Variants in IDE observed in about 807,000 individuals in gnomAD.
The protein encoded by IDE is insulin degrading enzyme, also known as insulin-degrading enzyme.
In IDE, 58 loss-of-function variants were observed where a neutral mutation model predicts 133.2. The observed-to-expected ratio is 0.44, with a 90% CI of 0.35 to 0.54. The LOEUF is 0.54. Among genes scored for constraint, IDE ranks in the 20% least tolerant of loss-of-function variants. The pLI is 0.00. For synonymous variants in IDE, 396 were observed against 421.3 expected (o/e 0.94, Z 0.73); for missense variants, 981 against 1,234.0 (o/e 0.79, Z 3.07).
At position 92,566,192 on chromosome 10, in the gene IDE, C is replaced by CA. The variant is rs5787005; in HGVS notation, c.98+7729dup. On this transcript the variant is annotated intron_variant, in intron 1 of 24. Transcript: ENST00000265986. Reference sequence around the variant, plus strand: ...GCAACATGACGAAATCCTGTCTCTACAAAAAAAAAAAAAAACTCCAAAAAA... The same window carrying CA: ...GCAACATGACGAAATCCTGTCTCTACAAAAAAAAAAAAAAAACTCCAAAAAA... Among the ~76,000 whole-genome samples the CA allele has an allele frequency of 4.6e-3, 580 of 126,886 alleles. 2 individuals carry two copies. The highest frequency in any genetic ancestry group is 5.4e-3 in the Non-Finnish European group (311 of 57,708). 83.2% of individuals were successfully genotyped at this position (126,886 alleles called of 152,430 possible).
chr10:92,541,296 A>C (rs1486159728), intron 1 of IDE: 1 of 470,548 alleles, frequency 2.1e-6, no homozygotes, highest in South Asian at 1.6e-5. Flanking sequence ...TTTGATTCTC[A>C]CCTTCTGGAG....
At chr10:92,509,485 C>T (rs1400377280) in intron 6 of IDE, among the ~76,000 whole-genome samples, 1 of 151,960 alleles carries the variant, frequency 6.6e-6, no homozygotes, top group Non-Finnish European at 1.5e-5. Flanking sequence ...TCCAGCTACT[C>T]AGGAGGCTGA....
intron 11 of IDE, among the ~76,000 whole-genome samples, chr10:92,503,215 GGCCAGGAGTTT>G (rs1299768749): frequency 6.6e-6 from 1 of 152,072 alleles, no homozygotes; most frequent in Non-Finnish European, 1.5e-5. Context: ...GACTGCTTGA[GGCCAGGAGTTT>G]GAGATCCACC....
chr10:92,471,573 C>T (rs1845967103), intron 17 of IDE, among the ~76,000 whole-genome samples: 1 of 152,104 alleles, frequency 6.6e-6, no homozygotes, highest in African/African-American at 2.4e-5. Flanking sequence ...TCACTAGGCT[C>T]CCTCGGCACT....
chr10:92,472,462 AT>A (rs769961268), intron 17 of IDE, among the ~76,000 whole-genome samples: 4 of 152,216 alleles, frequency 2.6e-5, no homozygotes, highest in Admixed American at 6.5e-5. Flanking sequence ...TGATAAAAAA[AT>A]GTACCTGTTC....
At chr10:92,467,189 C>T (rs1845739980) in intron 19 of IDE, among the ~76,000 whole-genome samples, 1 of 152,106 alleles carries the variant, frequency 6.6e-6, no homozygotes, top group African/African-American at 2.4e-5. Context: ...ATCATCCCAC[C>T]TCAGCCTCCT....
At chr10:92,480,659 C>T (rs1846548265) in intron 14 of IDE, 2 of 152,226 alleles carry the variant, frequency 1.3e-5, no homozygotes, top group African/African-American at 4.8e-5. Flanking sequence ...CTGCTAAAGG[C>T]CTGAGGCAGG....
intron 1 of IDE, among the ~76,000 whole-genome samples, chr10:92,543,954 C>T (rs1375205275): frequency 1.3e-5 from 2 of 152,078 alleles, no homozygotes; most frequent in South Asian, 2.1e-4. Context: ...AGATATAGGC[C>T]GGGTGCCGTG....
chr10:92,573,611 G>A (rs1006135871), intron 1 of IDE, among the ~76,000 whole-genome samples: 7 of 152,234 alleles, frequency 4.6e-5, no homozygotes, highest in South Asian at 2.1e-4. Flanking sequence ...TGCAGGCCGG[G>A]TGACTCTGTC....
At chr10:92,461,417 C>T (rs943948514) in intron 21 of IDE, among the ~76,000 whole-genome samples, 165 bp from the exon 22 acceptor site, 3 of 151,938 alleles carry the variant, frequency 2.0e-5, no homozygotes, top group Non-Finnish European at 2.9e-5. Context: ...TGCAGTGGCT[C>T]GATCTCGGCT....
intron 19 of IDE, among the ~76,000 whole-genome samples, chr10:92,468,079 G>A (rs1376708713): frequency 1.3e-5 from 2 of 152,140 alleles, no homozygotes; most frequent in African/African-American, 4.8e-5. Context: ...ATTTCTAGCT[G>A]GGAGTTTTAG....
At position 92,510,118 on chromosome 10, in the gene IDE, C is replaced by A; in HGVS notation, c.829G>T (p.Glu277Ter). The change falls in exon 6 of 25, where the codon GAA becomes TAA. Residue 277 changes from glutamate to a stop codon, truncating the protein, a stop_gained. Transcript: ENST00000265986. LOFTEE classifies it high-confidence loss of function. Reference sequence around the variant, plus strand: ...AATGGAACATTTTTGTTCTCTACTTCAGAAAATAACTTTACCACCAGATTA... The same window carrying A: ...AATGGAACATTTTTGTTCTCTACTTAAGAAAATAACTTTACCACCAGATTA... ...LTNLVVKLFS[E>*]VENKNVPLPE... 1.2e-6 allele frequency: 2 copies of A among 1,604,378 alleles called. No homozygotes were observed. Among genetic ancestry groups the A allele is most frequent in the Non-Finnish European group, 1.7e-6 (2 of 1,172,618 alleles).
At chr10:92,520,920 A>G (rs949513464) in intron 4 of IDE, among the ~76,000 whole-genome samples, 2 of 152,214 alleles carry the variant, frequency 1.3e-5, no homozygotes, top group Admixed American at 6.5e-5. Flanking sequence ...ACAATAAATG[A>G]TTACATGGAC....
At chr10:92,504,094 C>G (rs1848171423) in intron 11 of IDE, among the ~76,000 whole-genome samples, 1 of 152,072 alleles carries the variant, frequency 6.6e-6, no homozygotes, top group Non-Finnish European at 1.5e-5. Context: ...TTCCAAAAAA[C>G]TTACTCAATA....
intron 4 of IDE, among the ~76,000 whole-genome samples, chr10:92,517,105 AT>A (rs200584912): frequency 6.9e-4 from 105 of 151,640 alleles, no homozygotes; most frequent in Non-Finnish European, 1.3e-3. Flanking sequence ...AAGTGGTTTA[AT>A]TTTTTTTTCT....
intron 2 of IDE, among the ~76,000 whole-genome samples, chr10:92,535,633 G>C (rs1841958677): frequency 6.6e-6 from 1 of 152,202 alleles, no homozygotes; most frequent in African/African-American, 2.4e-5. Flanking sequence ...GTAGGCAGTA[G>C]TTATTTGTTC....
chr10:92,562,680 T>C (rs991669793), intron 1 of IDE, among the ~76,000 whole-genome samples: 9 of 152,170 alleles, frequency 5.9e-5, no homozygotes, highest in East Asian at 1.9e-4. Context: ...CCAGCCTATA[T>C]TGGCCATCAG....
At chr10:92,455,417 A>T (rs1417911672) in intron 24 of IDE, among the ~76,000 whole-genome samples, 159 bp downstream of exon 24, 2 of 152,160 alleles carry the variant, frequency 1.3e-5, no homozygotes, top group Non-Finnish European at 2.9e-5. Context: ...TGGAGGTTGT[A>T]GTGAGCTGAG....
chr10:92,484,228 T>A (rs1045681118), intron 13 of IDE, among the ~76,000 whole-genome samples: 1 of 150,972 alleles, frequency 6.6e-6, no homozygotes, highest in Non-Finnish European at 1.5e-5. Context: ...CTGGCCAACA[T>A]GGTGAAACCC....
Sources: allele counts gnomAD v4.1 joint callset (sites outside exome capture counted in the v4.1 genomes callset), GRCh38; gene constraint gnomAD v4.1.1; transcripts MANE v1.5; gene names NCBI Gene and HGNC (gene_info 2026-07-23, HGNC 2026-07-21).